HUNK: variants seen among roughly 807,000 people sequenced by gnomAD.
HUNK encodes hormonally up-regulated Neu-associated kinase.
In HUNK, 21 loss-of-function variants were observed where a neutral mutation model predicts 61.0. The ratio of observed to expected loss-of-function variants is 0.34; its 90% CI spans 0.24 to 0.50. The LOEUF (loss-of-function observed/expected upper bound fraction) is 0.50, where lower values mean the gene tolerates loss of function less well. Ranked by LOEUF, HUNK falls within the 20% of genes least tolerant of loss-of-function variation. HUNK has a pLI of 0.98. For synonymous variants in HUNK, 371 were observed against 386.1 expected (o/e 0.96, Z 0.46); for missense variants, 772 against 945.7 (o/e 0.82, Z 2.41).
At chr21:31,990,264 G>T in intron 9 of HUNK, 88 bp downstream of exon 9, 1 of 1,272,828 alleles carries the variant, frequency 7.9e-7, no homozygotes, top group Non-Finnish European at 1.1e-6. Flanking sequence ...GATTGAGACT[G>T]AGATTTATTT....
intron 5 of HUNK, among the ~76,000 whole-genome samples, chr21:31,964,499 T>C (rs544445795): frequency 6.6e-6 from 1 of 152,306 alleles, no homozygotes; most frequent in East Asian, 1.9e-4. Flanking sequence ...GTGTGTTACG[T>C]TGAGCAGGGT....
chr21:31,974,999 T>C lies in HUNK; in HGVS notation c.1173+282T>C, dbSNP rs188532462. Among the ~76,000 whole-genome samples, 15 of 151,920 alleles carry C rather than the reference T, an allele frequency of 9.9e-5. No homozygotes were observed. The East Asian group carries it at 2.7e-3, about 27-fold the overall frequency. ...CCTTCAACAGCATCTCTGTTGTCTTTTTTTTTTTTGTTCTGCTGCCTCTTA... is the reference window on the plus strand; with the variant it reads ...CCTTCAACAGCATCTCTGTTGTCTTCTTTTTTTTTGTTCTGCTGCCTCTTA... On this transcript the variant is annotated intron_variant, in intron 7 of 10. Coordinates refer to ENST00000270112, the MANE Select transcript of HUNK (RefSeq NM_014586.2).
chr21:31,940,170 T>C lies in HUNK; in HGVS notation c.560T>C (p.Leu187Ser). ...TGTGGTTTTGTTTATTTCAGAGACT[T>C]GAAGATAGAGAATTTGCTACTAGAT... ...LHRAGVVHRD[L>S]KIENLLLDED... The change falls in exon 3 of 11, where the codon TTG becomes TCG. Residue 187 changes from leucine to serine, a missense_variant. Coordinates refer to ENST00000270112, the MANE Select transcript of HUNK (RefSeq NM_014586.2). The C allele has an allele frequency of 6.3e-7, 1 of 1,595,486 alleles. No homozygotes were observed. Among genetic ancestry groups the C allele is most frequent in the Non-Finnish European group, 8.5e-7 (1 of 1,170,608 alleles).
intron 4 of HUNK, among the ~76,000 whole-genome samples, chr21:31,949,670 G>A (rs2123834392): frequency 6.6e-6 from 1 of 152,248 alleles, no homozygotes; most frequent in African/African-American, 2.4e-5. Flanking sequence ...TTTTGTTGCT[G>A]CAAGGGAATA....
chr21:31,927,633 G>C (rs2052670127), intron 2 of HUNK, among the ~76,000 whole-genome samples: 1 of 151,062 alleles, frequency 6.6e-6, no homozygotes, highest in Admixed American at 6.6e-5. Flanking sequence ...AACAGAGCGA[G>C]ACTTGTCTGG....
intron 1 of HUNK, among the ~76,000 whole-genome samples, chr21:31,877,980 C>T (rs1195038178): frequency 6.6e-6 from 1 of 152,156 alleles, no homozygotes; most frequent in Non-Finnish European, 1.5e-5. Context: ...AGAAACAGGA[C>T]AGACGTGGTG....
intron 3 of HUNK, among the ~76,000 whole-genome samples, chr21:31,942,865 T>C (rs1267362051): frequency 7.3e-6 from 1 of 136,956 alleles, no homozygotes; most frequent in Non-Finnish European, 1.6e-5. Flanking sequence ...ACCTCATACC[T>C]GCCCCGAGAG....
chr21:31,958,298 C>G (rs1247206303), intron 4 of HUNK, among the ~76,000 whole-genome samples: 1 of 151,760 alleles, frequency 6.6e-6, no homozygotes, highest in African/African-American at 2.4e-5. Flanking sequence ...TTCTTTCTTT[C>G]TTTCTTTCTT....
At chr21:31,935,239 A>G (rs2052725431) in intron 2 of HUNK, among the ~76,000 whole-genome samples, 1 of 152,226 alleles carries the variant, frequency 6.6e-6, no homozygotes, top group Non-Finnish European at 1.5e-5. Flanking sequence ...AGCTGCTTTT[A>G]CAAAAATCTA....
intron 2 of HUNK, among the ~76,000 whole-genome samples, chr21:31,930,089 C>G (rs1256945195): frequency 6.6e-6 from 1 of 152,232 alleles, no homozygotes; most frequent in Non-Finnish European, 1.5e-5. Flanking sequence ...AAAGCTCCAG[C>G]CCAACAGCTT....
chr21:31,948,342 C>T (rs1169300523), intron 4 of HUNK, among the ~76,000 whole-genome samples: 8 of 152,244 alleles, frequency 5.3e-5, no homozygotes, highest in Admixed American at 5.2e-4. Flanking sequence ...TGCACAGTTC[C>T]TTCGGCCTGG....
intron 2 of HUNK, among the ~76,000 whole-genome samples, chr21:31,939,714 GTTGTTTTT>G (rs1270494468): frequency 3.7e-5 from 5 of 136,214 alleles, no homozygotes; most frequent in Non-Finnish European, 4.6e-5. Context: ...GGCCTCATGT[GTTGTTTTT>G]TTTTTTTTTT....
intron 1 of HUNK, among the ~76,000 whole-genome samples, chr21:31,875,560 C>T (rs1031166054): frequency 1.8e-4 from 27 of 152,176 alleles, no homozygotes; most frequent in Non-Finnish European, 8.8e-5. Flanking sequence ...ACTTACACTC[C>T]TCGATTCGAT....
At chr21:31,966,453 C>T (rs1245321137) in intron 5 of HUNK, among the ~76,000 whole-genome samples, 5 of 152,190 alleles carry the variant, frequency 3.3e-5, no homozygotes, top group African/African-American at 1.2e-4. Context: ...CCAGTAGAGA[C>T]TACCCACTAT....
intron 7 of HUNK, among the ~76,000 whole-genome samples, chr21:31,980,512 G>A (rs977201328): frequency 6.6e-6 from 1 of 151,884 alleles, no homozygotes; most frequent in Non-Finnish European, 1.5e-5. Flanking sequence ...GAGTAGCTGG[G>A]ATTACAGACG....
intron 1 of HUNK, among the ~76,000 whole-genome samples, chr21:31,875,263 C>G (rs898408501): frequency 2.0e-5 from 3 of 152,148 alleles, no homozygotes; most frequent in African/African-American, 7.2e-5. Context: ...CTAGCCTCAC[C>G]CCACCTGTAG....
rs549517121 is a variant in HUNK at position 32,000,984 on chromosome 21, C to T, written c.*1800C>T. Reference sequence around the variant, plus strand: ...CCAGAACTTACCATTGAAAACAGAGCTTTTAGGCCAGGTGTGGTGGCTCAC... The same window carrying T: ...CCAGAACTTACCATTGAAAACAGAGTTTTTAGGCCAGGTGTGGTGGCTCAC... On this transcript the variant is annotated 3_prime_UTR_variant, in exon 11 of 11. Coordinates refer to ENST00000270112, the MANE Select transcript of HUNK (RefSeq NM_014586.2). 23 of 357,606 alleles carry T rather than the reference C, an allele frequency of 6.4e-5. No individual in the cohort carries two copies. Among genetic ancestry groups the T allele is most frequent in the Non-Finnish European group, 9.0e-5 (18 of 200,986 alleles). 22.2% of individuals were successfully genotyped at this position (357,606 alleles called of 1,614,324 possible). A position where few individuals can be genotyped will look rare whatever the true frequency, so the allele number is the denominator to read the frequency against.
At chr21:31,889,823 AG>A (rs1351282373) in intron 1 of HUNK, among the ~76,000 whole-genome samples, 1 of 152,210 alleles carries the variant, frequency 6.6e-6, no homozygotes, top group Non-Finnish European at 1.5e-5. Context: ...AAAGCAGCTG[AG>A]AAAGTACCTG....
chr21:31,929,247 G>T (rs200512454), intron 2 of HUNK, among the ~76,000 whole-genome samples: 203 of 115,640 alleles, frequency 1.8e-3, no homozygotes, highest in African/African-American at 2.1e-3. Context: ...AGTAGGTTTT[G>T]TTTTTTTTTT....
Sources: gnomAD v4.1 joint callset for allele counts (sites outside exome capture counted in the v4.1 genomes callset) on GRCh38, gnomAD v4.1.1 for gene constraint, MANE v1.5 for transcripts, NCBI Gene and HGNC (gene_info 2026-07-23, HGNC 2026-07-21) for gene names.